GMDS: variants seen among roughly 807,000 people sequenced by gnomAD.
The protein encoded by GMDS is GDP-mannose 4,6-dehydratase.
In GMDS, 20 loss-of-function variants were observed where a neutral mutation model predicts 49.9. That is an observed-to-expected ratio of 0.40 (90% CI 0.28 to 0.58). The LOEUF (loss-of-function observed/expected upper bound fraction) is 0.58, where lower values mean the gene tolerates loss of function less well. GMDS is among the 20% of genes least tolerant of loss of function. The pLI, the probability that GMDS is intolerant of heterozygous loss-of-function variation, is 0.42. For missense variants in GMDS, 362 were observed against 481.4 expected (o/e 0.75, Z 2.32); for synonymous variants, 177 against 178.6 (o/e 0.99, Z 0.07).
rs537863383 is a variant in GMDS, at chr6:1,675,681, T to A, written c.987+50735A>T. Among the ~76,000 whole-genome samples, 280 of 152,102 alleles carry A rather than the reference T, an allele frequency of 1.8e-3. 1 individual carries two copies. Among genetic ancestry groups the A allele is most frequent in the African/African-American group, 5.1e-3 (210 of 41,480 alleles). On this transcript the variant is annotated intron_variant, in intron 9 of 10. Transcript: ENST00000380815. ...TCCTGGCTAACACAGTGAAACCCCA[T>A]CTCTACTAAAAATATAAAAAAATTA... is the stretch of plus-strand genomic sequence containing the variant.
At chr6:2,151,482 A>G (rs1776842325) in intron 1 of GMDS, among the ~76,000 whole-genome samples, 1 of 152,104 alleles carries the variant, frequency 6.6e-6, no homozygotes, top group Non-Finnish European at 1.5e-5. Flanking sequence ...CTAGCTATGT[A>G]ATCTGGTACA....
chr6:2,201,838 G>A, intron 1 of GMDS, among the ~76,000 whole-genome samples: 1 of 137,658 alleles, frequency 7.3e-6, no homozygotes, highest in African/African-American at 2.7e-5. Context: ...GGCGAAGGAT[G>A]AAGAGAGAGC....
At chr6:2,170,935 T>C (rs1462151077) in intron 1 of GMDS, among the ~76,000 whole-genome samples, 1 of 151,328 alleles carries the variant, frequency 6.6e-6, no homozygotes, top group African/African-American at 2.4e-5. Flanking sequence ...GCAGAGCTTG[T>C]GGTGAGCCGA....
At chr6:1,934,367 G>T (rs112378862) in intron 6 of GMDS, among the ~76,000 whole-genome samples, 40 of 152,188 alleles carry the variant, frequency 2.6e-4, no homozygotes, top group African/African-American at 9.2e-4. Flanking sequence ...TCTGTCCCTT[G>T]AATTTCCATA....
At chr6:1,925,392 T>C (rs1761944965) in intron 7 of GMDS, among the ~76,000 whole-genome samples, 1 of 152,226 alleles carries the variant, frequency 6.6e-6, no homozygotes, top group Non-Finnish European at 1.5e-5. Context: ...TAAGGACTTT[T>C]TATAAATCAT....
chr6:1,953,746 C>A (rs1363266696), intron 6 of GMDS, among the ~76,000 whole-genome samples: 1 of 152,074 alleles, frequency 6.6e-6, no homozygotes, highest in African/African-American at 2.4e-5. Flanking sequence ...ATAGCATAAT[C>A]TTTAAGAGTA....
At chr6:2,147,974 A>G (rs1439241279) in intron 1 of GMDS, among the ~76,000 whole-genome samples, 1 of 151,760 alleles carries the variant, frequency 6.6e-6, no homozygotes. Context: ...ATACGTTAGG[A>G]GTAGAATCTT....
intron 7 of GMDS, among the ~76,000 whole-genome samples, chr6:1,921,257 A>C (rs1423250391): frequency 6.6e-6 from 1 of 152,244 alleles, no homozygotes; most frequent in Middle Eastern, 3.2e-3. Flanking sequence ...TATGTGGTTT[A>C]AATCAAACTG....
chr6:2,126,106 G>C (rs1010212133), intron 1 of GMDS, among the ~76,000 whole-genome samples: 3 of 152,074 alleles, frequency 2.0e-5, no homozygotes, highest in African/African-American at 7.2e-5. Context: ...AAGTATGAGA[G>C]ACATATAATT....
intron 8 of GMDS, among the ~76,000 whole-genome samples, chr6:1,739,661 T>C (rs1767184633): frequency 1.3e-5 from 2 of 152,206 alleles, no homozygotes; most frequent in Non-Finnish European, 2.9e-5. Flanking sequence ...TCTAGGTGGA[T>C]TGTTCTTAAA....
chr6:2,068,748 T>A (rs577818838), intron 4 of GMDS, among the ~76,000 whole-genome samples: 1,918 of 152,256 alleles, frequency 0.013, 45 homozygotes, highest in African/African-American at 0.044. Flanking sequence ...TACAAGCCAC[T>A]GCTCAAGGAA....
chr6:2,230,640 TAC>T (rs1781044684), intron 1 of GMDS, among the ~76,000 whole-genome samples: 1 of 151,956 alleles, frequency 6.6e-6, no homozygotes, highest in South Asian at 2.1e-4. Flanking sequence ...GGAAAGAAAA[TAC>T]TACATAAATT....
At chr6:1,859,458 C>T (rs1758086246) in intron 7 of GMDS, among the ~76,000 whole-genome samples, 2 of 152,192 alleles carry the variant, frequency 1.3e-5, no homozygotes, top group African/African-American at 4.8e-5. Flanking sequence ...AACATTTCAG[C>T]TGTAATGGCC....
intron 7 of GMDS, among the ~76,000 whole-genome samples, chr6:1,900,264 C>A (rs944207500): frequency 6.6e-6 from 1 of 152,188 alleles, no homozygotes; most frequent in African/African-American, 2.4e-5. Context: ...CAGGTAGAGG[C>A]AGCTCCTGAG....
chr6:1,732,392 G>A (rs149945414), intron 8 of GMDS, among the ~76,000 whole-genome samples: 15 of 152,228 alleles, frequency 9.9e-5, no homozygotes, highest in African/African-American at 3.1e-4. Flanking sequence ...CATAGCATTC[G>A]TCAGTCATGG....
At chr6:1,678,672 C>T (rs1359840620) in intron 9 of GMDS, among the ~76,000 whole-genome samples, 1 of 151,726 alleles carries the variant, frequency 6.6e-6, no homozygotes. Flanking sequence ...GACAGGATGC[C>T]GGGAAGAATA....
At chr6:1,624,590 G>A in intron 9 of GMDS, 50 bp from the exon 10 acceptor site, 1 of 1,321,434 alleles carries the variant, frequency 7.6e-7, no homozygotes, top group African/African-American at 1.4e-5. Flanking sequence ...TGGGGGTGGG[G>A]GCAGCAGGTC....
At chr6:2,228,584 T>C (rs1780927381) in intron 1 of GMDS, among the ~76,000 whole-genome samples, 1 of 152,220 alleles carries the variant, frequency 6.6e-6, no homozygotes, top group South Asian at 2.1e-4. Flanking sequence ...ATCCAAAGTG[T>C]GTGCTTTAAC....
chr6:2,169,144 A>C (rs1008261806), intron 1 of GMDS, among the ~76,000 whole-genome samples: 1 of 152,260 alleles, frequency 6.6e-6, no homozygotes, highest in Non-Finnish European at 1.5e-5. Context: ...AAACATCAGA[A>C]GGTGTTAAAT....
Sources: allele counts gnomAD v4.1 joint callset (sites outside exome capture counted in the v4.1 genomes callset), GRCh38; gene constraint gnomAD v4.1.1; transcripts MANE v1.5; gene names NCBI Gene and HGNC (gene_info 2026-07-23, HGNC 2026-07-21).